KHDRBS2: variants seen among roughly 807,000 people sequenced by gnomAD.
KHDRBS2 encodes KH RNA binding domain containing, signal transduction associated 2.
In KHDRBS2, 26 loss-of-function variants were observed where a neutral mutation model predicts 44.3. The ratio of observed to expected loss-of-function variants is 0.59; its 90% CI spans 0.43 to 0.81. The LOEUF (loss-of-function observed/expected upper bound fraction) is 0.81, where lower values mean the gene tolerates loss of function less well. KHDRBS2 is among the 40% of genes least tolerant of loss of function. KHDRBS2 has a pLI of 0.00. For missense variants in KHDRBS2, 476 were observed against 433.1 expected (o/e 1.10, Z -0.88); for synonymous variants, 194 against 151.1 (o/e 1.28, Z -2.08).
At chr6:62,203,226 G>C (rs1315039083) in intron 1 of KHDRBS2, among the ~76,000 whole-genome samples, 1 of 152,030 alleles carries the variant, frequency 6.6e-6, no homozygotes, top group African/African-American at 2.4e-5. Context: ...GGATGTTAGG[G>C]AATATTTTAA....
chr6:62,232,716 T>A (rs1370637874), intron 1 of KHDRBS2, among the ~76,000 whole-genome samples: 2 of 152,126 alleles, frequency 1.3e-5, no homozygotes, highest in East Asian at 3.9e-4. Flanking sequence ...TTTTGTCCAG[T>A]TTTTCTATTG....
At chr6:61,967,957 T>TATAC (rs1228663590) in intron 4 of KHDRBS2, among the ~76,000 whole-genome samples, 60 of 73,580 alleles carry the variant, frequency 8.2e-4, no homozygotes, top group African/African-American at 2.6e-3. Flanking sequence ...TATATATATA[T>TATAC]ACACACACAC....
intron 7 of KHDRBS2, among the ~76,000 whole-genome samples, chr6:61,725,914 T>C (rs1773469595): frequency 6.6e-6 from 1 of 151,946 alleles, no homozygotes; most frequent in South Asian, 2.1e-4. Flanking sequence ...TTCCAAAAAA[T>C]TGAAAAGGAG....
chr6:61,782,841 T>C (rs1276822934), intron 6 of KHDRBS2, among the ~76,000 whole-genome samples: 2 of 151,288 alleles, frequency 1.3e-5, no homozygotes, highest in African/African-American at 2.4e-5. Context: ...AAACTGATGG[T>C]TGGGTCCACA....
rs70996208 is a variant in KHDRBS2 at position 62,194,480 on chromosome 6, C to CTTTTTTTTTTTTTTTTTTTT, written c.92-17188_92-17169dup. On this transcript the variant is annotated intron_variant, in intron 1 of 8. Transcript: ENST00000281156. ...CACTTTCTTTTCTTTTCTTTTCTTC[C>CTTTTTTTTTTTTTTTTTTTT]TTTTTTTTTTTTTTTTTTTTTTTTT... 1.4e-4 allele frequency among the ~76,000 whole-genome samples: 10 copies of CTTTTTTTTTTTTTTTTTTTT among 69,774 alleles called. 3 individuals carry two copies. Among genetic ancestry groups the CTTTTTTTTTTTTTTTTTTTT allele is most frequent in the Non-Finnish European group, 2.5e-4 (10 of 39,780 alleles). The allele number at this position is 69,774 out of a possible 152,430, so 45.8% of individuals were successfully genotyped here.
At chr6:62,177,423 A>C in intron 1 of KHDRBS2, 111 bp from the exon 2 acceptor site, 1 of 831,262 alleles carries the variant, frequency 1.2e-6, no homozygotes, top group Non-Finnish European at 1.8e-6. Context: ...TTCTCAAATA[A>C]GATTTTGATG....
intron 1 of KHDRBS2, among the ~76,000 whole-genome samples, chr6:62,236,103 T>C (rs1255309190): frequency 2.0e-5 from 3 of 152,108 alleles, no homozygotes; most frequent in African/African-American, 4.8e-5. Context: ...TCTTGATTGC[T>C]AATTATTTTT....
intron 6 of KHDRBS2, among the ~76,000 whole-genome samples, chr6:61,739,808 T>G (rs1294636006): frequency 6.6e-6 from 1 of 151,922 alleles, no homozygotes; most frequent in Non-Finnish European, 1.5e-5. Flanking sequence ...CACACCATTA[T>G]ATGTTATTCC....
chr6:62,094,965 T>C (rs539935043), intron 2 of KHDRBS2, among the ~76,000 whole-genome samples: 4 of 151,970 alleles, frequency 2.6e-5, no homozygotes, highest in Non-Finnish European at 5.9e-5. Flanking sequence ...TACTATAGCA[T>C]TGTAGTACGT....
chr6:61,590,570 C>T, the KHDRBS2 span, among the ~76,000 whole-genome samples: 2 of 152,056 alleles, frequency 1.3e-5, no homozygotes, highest in African/African-American at 4.8e-5. Context: ...TTAAATAATC[C>T]TGTTTAACCT....
At chr6:61,638,569 G>A in the KHDRBS2 span, among the ~76,000 whole-genome samples, 2 of 152,068 alleles carry the variant, frequency 1.3e-5, no homozygotes, top group Non-Finnish European at 1.5e-5. Flanking sequence ...AGAAAACCTA[G>A]GCATTACCAT....
At chr6:61,674,035 G>A in the KHDRBS2 span, among the ~76,000 whole-genome samples, 2 of 151,702 alleles carry the variant, frequency 1.3e-5, no homozygotes, top group Non-Finnish European at 2.9e-5. Flanking sequence ...ACGAATAAAA[G>A]CTTGAAGTTG....
At chr6:61,689,751 C>G (rs1488581916) in intron 8 of KHDRBS2, among the ~76,000 whole-genome samples, 2 of 151,932 alleles carry the variant, frequency 1.3e-5, no homozygotes, top group African/African-American at 2.4e-5. Flanking sequence ...CTTTGTTCGT[C>G]TATTTTCTGG....
intron 6 of KHDRBS2, among the ~76,000 whole-genome samples, chr6:61,772,676 C>T (rs989399927): frequency 2.6e-5 from 4 of 151,874 alleles, no homozygotes; most frequent in African/African-American, 7.3e-5. Flanking sequence ...TTTTAGGGTA[C>T]ATGTGCACAA....
At chr6:61,799,576 C>T (rs1336164969) in intron 6 of KHDRBS2, among the ~76,000 whole-genome samples, 1 of 151,940 alleles carries the variant, frequency 6.6e-6, no homozygotes, top group Admixed American at 6.6e-5. Flanking sequence ...CAGTTGTTTT[C>T]CTTCCAACTA....
chr6:61,829,652 C>T (rs1791487528), intron 6 of KHDRBS2, among the ~76,000 whole-genome samples: 1 of 152,100 alleles, frequency 6.6e-6, no homozygotes, highest in African/African-American at 2.4e-5. Context: ...TTTATATAGT[C>T]ACATTACAGG....
At chr6:61,937,251 G>T (rs931045580) in intron 4 of KHDRBS2, among the ~76,000 whole-genome samples, 5 of 151,528 alleles carry the variant, frequency 3.3e-5, no homozygotes, top group Admixed American at 2.0e-4. Flanking sequence ...TTTACATTTG[G>T]GTTTTCTGCA....
chr6:61,839,072 C>T (rs987656867), intron 6 of KHDRBS2, among the ~76,000 whole-genome samples: 7 of 152,114 alleles, frequency 4.6e-5, no homozygotes, highest in African/African-American at 1.4e-4. Flanking sequence ...CTTCCCTCTG[C>T]TACAACTGGA....
chr6:61,780,603 A>G (rs1438983545), intron 6 of KHDRBS2, among the ~76,000 whole-genome samples: 1 of 152,218 alleles, frequency 6.6e-6, no homozygotes, highest in African/African-American at 2.4e-5. Context: ...CATGTGACTA[A>G]CATTTTACTT....
Sources: allele counts gnomAD v4.1 joint callset (sites outside exome capture counted in the v4.1 genomes callset), GRCh38; gene constraint gnomAD v4.1.1; transcripts MANE v1.5; gene names NCBI Gene and HGNC (gene_info 2026-07-23, HGNC 2026-07-21).